ETNPPL: variants seen among roughly 807,000 people sequenced by gnomAD.
The protein encoded by ETNPPL is ethanolamine-phosphate phospho-lyase.
Under a neutral mutation model 55.5 loss-of-function variants are expected in ETNPPL, and 30 were observed. The ratio of observed to expected loss-of-function variants is 0.54; its 90% CI spans 0.40 to 0.73. The LOEUF (loss-of-function observed/expected upper bound fraction) is 0.73, where lower values mean the gene tolerates loss of function less well. Among genes scored for constraint, ETNPPL ranks in the 30% least tolerant of loss-of-function variants. The pLI is 0.00. For missense variants in ETNPPL, 528 were observed against 607.9 expected, an observed-to-expected ratio of 0.87 and a Z score of 1.38; for synonymous variants, 202 against 207.2, an observed-to-expected ratio of 0.98 and a Z score of 0.21.
intron 5 of ETNPPL, among the ~76,000 whole-genome samples, chr4:108,754,179 T>C (rs1473265142): frequency 6.6e-6 from 1 of 151,982 alleles, no homozygotes; most frequent in Non-Finnish European, 1.5e-5. Flanking sequence ...GATTTCGCCA[T>C]GTTGTCCAGG....
At chr4:108,761,810 C>A (rs1055028408) in intron 1 of ETNPPL, among the ~76,000 whole-genome samples, 5 of 152,160 alleles carry the variant, frequency 3.3e-5, no homozygotes, top group Non-Finnish European at 5.9e-5. Flanking sequence ...TCCAAACCAC[C>A]CAGAAACCCC....
intron 11 of ETNPPL, among the ~76,000 whole-genome samples, chr4:108,745,526 G>A (rs1006409268): frequency 1.3e-4 from 19 of 151,706 alleles, no homozygotes; most frequent in African/African-American, 4.4e-4. Context: ...TCTGGGAGGC[G>A]GAGGTTGCAG....
intron 8 of ETNPPL, among the ~76,000 whole-genome samples, 183 bp from the exon 9 acceptor site, chr4:108,748,342 A>C (rs1728724605): frequency 6.6e-6 from 1 of 152,196 alleles, no homozygotes; most frequent in African/African-American, 2.4e-5. Flanking sequence ...GGACTGAGTG[A>C]AAATTCATTC....
rs761517965 is a variant in ETNPPL at position 108,762,850 on chromosome 4, G to C, written c.49C>G (p.His17Asp). The C allele has an allele frequency of 6.2e-7, 1 of 1,614,110 alleles. No individual in the cohort carries two copies. The highest frequency in any genetic ancestry group is 8.5e-7 in the Non-Finnish European group (1 of 1,179,948). The change falls in exon 1 of 13, where the codon CAC becomes GAC. Residue 17 changes from histidine (H) to aspartate (D), a missense_variant. Coordinates refer to ENST00000296486, the MANE Select transcript of ETNPPL (RefSeq NM_031279.4). ...KRDTLGLRKK[H>D]IGPSCKVFFA... ...GGGCCAGGGTGCCCTTACCCGATGT[G>C]CTTCTTCCTCAGCCCCAGAGTGTCC...
In ETNPPL at chr4:108,756,460, G is replaced by A; in HGVS notation, c.368C>T (p.Ala123Val). Residue 123 changes from alanine to valine, a missense_variant, in exon 4 of 13, where the codon GCT becomes GTT. Physicochemically the swap from Ala to Val is moderately conservative, Grantham distance 64. Transcript: ENST00000296486. ...ATCCTGGTGGCCTCTGAACTGCCGAGCCAGGCGTAAGGCTAAGTCGTTGGC... is the reference window on the plus strand; with the variant it reads ...ATCCTGGTGGCCTCTGAACTGCCGAACCAGGCGTAAGGCTAAGTCGTTGGC... ...SEANDLALRL[A>V]RQFRGHQDVI... The A allele has an allele frequency of 6.2e-7, 1 of 1,614,090 alleles. No homozygotes were observed. Among genetic ancestry groups the A allele is most frequent in the Non-Finnish European group, 8.5e-7 (1 of 1,179,926 alleles).
chr4:108,750,780 G>C (rs75147071), intron 7 of ETNPPL, among the ~76,000 whole-genome samples, 156 bp downstream of exon 7: 1,999 of 151,778 alleles, frequency 0.013, 44 homozygotes, highest in African/African-American at 0.046. Context: ...GGGGAAGGCT[G>C]AGAGAGCATC....
chr4:108,743,156 C>G (rs1273847077), intron 12 of ETNPPL, among the ~76,000 whole-genome samples: 1 of 152,168 alleles, frequency 6.6e-6, no homozygotes, highest in Non-Finnish European at 1.5e-5. Context: ...CTTTATGCAT[C>G]GAACTCATAA....
At chr4:108,746,661 CT>C (rs1728514864) in intron 10 of ETNPPL, 100 bp downstream of exon 10, 8 of 1,491,234 alleles carry the variant, frequency 5.4e-6, no homozygotes. Flanking sequence ...TGTATTTAAA[CT>C]TTCCTTTTTC....
chr4:108,755,307 A>G (rs1729146170), intron 4 of ETNPPL, among the ~76,000 whole-genome samples: 2 of 152,316 alleles, frequency 1.3e-5, no homozygotes, highest in East Asian at 3.9e-4. Context: ...AATTAACTCA[A>G]CATGGATTAA....
rs765031700 is a variant in ETNPPL at position 108,748,114 on chromosome 4, C to T, written c.973G>A (p.Asp325Asn). The T allele has an allele frequency of 6.2e-6, 10 of 1,610,050 alleles. No homozygotes were observed. Among genetic ancestry groups the T allele is most frequent in the East Asian group, 2.2e-5 (1 of 44,678 alleles). Residue 325 changes from aspartate (D) to asparagine (N), a missense_variant, in exon 9 of 13, where the codon GAT (aspartate) becomes AAT (asparagine). Asp to Asn is a conservative substitution (Grantham distance 23, BLOSUM62 1). Coordinates refer to ENST00000296486, the MANE Select transcript of ETNPPL (RefSeq NM_031279.4). Reference protein sequence around the residue: ...VSCAVGLAVLDIIENEDLQGN... With the variant: ...VSCAVGLAVLNIIENEDLQGN... ...TGAAGGTCTTCATTTTCAATTATAT[C>T]CAGGACAGCCAAACCAACAGCACAA...
In ETNPPL at chr4:108,742,067, T is replaced by A. The variant is rs1345677775; in HGVS notation, c.*417A>T. 6.5e-6 allele frequency: 1 copy of A among 153,008 alleles called. No individual in the cohort carries two copies. The highest frequency in any genetic ancestry group is 1.5e-5 in the Non-Finnish European group (1 of 68,556). The allele number at this position is 153,008 out of a possible 1,614,324, so 9.5% of individuals were successfully genotyped here. A position where few individuals can be genotyped will look rare whatever the true frequency, so the allele number is the denominator to read the frequency against. On this transcript the variant is annotated 3_prime_UTR_variant, in exon 13 of 13. Transcript: ENST00000296486. Reference sequence around the variant, plus strand: ...TTTTTTGTTTACATCATATTTTATTTTATTACAGTCAATAAATATACTTTT... The same window carrying A: ...TTTTTTGTTTACATCATATTTTATTATATTACAGTCAATAAATATACTTTT...
chr4:108,754,945 C>T (rs1340548290), intron 4 of ETNPPL, among the ~76,000 whole-genome samples: 1 of 152,140 alleles, frequency 6.6e-6, no homozygotes, highest in East Asian at 1.9e-4. Context: ...CATGTGTCCT[C>T]ATTGACAATT....
intron 11 of ETNPPL, among the ~76,000 whole-genome samples, chr4:108,745,970 T>C (rs1030469513): frequency 6.6e-6 from 1 of 151,126 alleles, no homozygotes; most frequent in Admixed American, 6.6e-5. Context: ...GTTAAGCAAT[T>C]CAGCATATAG....
Position 108,750,940 on chromosome 4 carries a change from C to T in ETNPPL, c.697G>A (p.Ala233Thr). ...IPPAGYFQKV[A>T]EYVHGAGGVF... ...AGGCCCAAGTCAAGTACATACTCTG[C>T]CACTTTCTGGAAGTAGCCTGCTGGA... Residue 233 changes from alanine to threonine, a missense_variant, in exon 7 of 13, where the codon GCA becomes ACA. By Grantham distance (58) the Ala-to-Thr change is moderately conservative (BLOSUM62 0). Coordinates refer to ENST00000296486, the MANE Select transcript of ETNPPL (RefSeq NM_031279.4). 1 of 1,612,216 alleles carries T rather than the reference C, an allele frequency of 6.2e-7. No individual in the cohort carries two copies. The highest frequency in any genetic ancestry group is 8.5e-7 in the Non-Finnish European group (1 of 1,178,582).
chr4:108,760,123 G>A, intron 2 of ETNPPL, 65 bp downstream of exon 2: 3 of 1,239,160 alleles, frequency 2.4e-6, no homozygotes, highest in Non-Finnish European at 3.5e-6. Context: ...CAAAAATTAA[G>A]TGTTCCAAGT....
intron 12 of ETNPPL, among the ~76,000 whole-genome samples, chr4:108,743,290 C>T (rs1010720270): frequency 5.3e-5 from 8 of 152,210 alleles, no homozygotes; most frequent in Non-Finnish European, 1.2e-4. Flanking sequence ...GCTGGAAGCA[C>T]ATCAAATGCA....
At chr4:108,757,083 C>G (rs559458277) in intron 3 of ETNPPL, among the ~76,000 whole-genome samples, 1 of 152,006 alleles carries the variant, frequency 6.6e-6, no homozygotes, top group African/African-American at 2.4e-5. Flanking sequence ...ACTGAGGACA[C>G]GAAGAAGCCT....
In ETNPPL at chr4:108,756,430, A is replaced by T. The variant is rs898790020; in HGVS notation, c.398T>A (p.Ile133Asn). 14 of 1,613,662 alleles carry T rather than the reference A, an allele frequency of 8.7e-6. No individual in the cohort carries two copies. The highest frequency in any genetic ancestry group is 1.1e-5 in the Non-Finnish European group (13 of 1,179,640). Residue 133 changes from isoleucine (I) to asparagine (N), a missense_variant, in exon 4 of 13, where the codon ATC becomes AAC. Ile to Asn is a moderately radical substitution (Grantham distance 149, BLOSUM62 -3). Coordinates refer to ENST00000296486, the MANE Select transcript of ETNPPL (RefSeq NM_031279.4). The part of the protein sequence containing the change: ...ARQFRGHQDV[I>N]TLDHAYHGHL... ...GTCCAAGACTTACTGGTCAAGAGTG[A>T]TCACATCCTGGTGGCCTCTGAACTG...
chr4:108,758,946 G>A (rs1729366981), intron 3 of ETNPPL, among the ~76,000 whole-genome samples: 1 of 152,170 alleles, frequency 6.6e-6, no homozygotes, highest in Non-Finnish European at 1.5e-5. Flanking sequence ...CTACTCAGGA[G>A]GCTGAGGCAG....
Sources: gnomAD v4.1 joint callset for allele counts (sites outside exome capture counted in the v4.1 genomes callset) on GRCh38, gnomAD v4.1.1 for gene constraint, MANE v1.5 for transcripts, NCBI Gene and HGNC (gene_info 2026-07-23, HGNC 2026-07-21) for gene names.